Variants in CNTNAP2 observed in about 807,000 individuals in gnomAD.
CNTNAP2 encodes the protein contactin associated protein 2.
CNTNAP2 carries 98 observed loss-of-function variants against 155.2 expected under a neutral mutation model. That is an observed-to-expected ratio of 0.63 (90% CI 0.54 to 0.75). CNTNAP2 has a LOEUF of 0.75. Among genes scored for constraint, CNTNAP2 ranks in the 30% least tolerant of loss-of-function variants. The pLI, the probability that CNTNAP2 is intolerant of heterozygous loss-of-function variation, is 0.00. For missense variants in CNTNAP2, 1,727 were observed against 1,688.1 expected (o/e 1.02, Z -0.40); for synonymous variants, 651 against 631.2 (o/e 1.03, Z -0.47).
intron 3 of CNTNAP2, among the ~76,000 whole-genome samples, chr7:146,994,777 T>C (rs1798276156): frequency 6.6e-6 from 1 of 152,146 alleles, no homozygotes; most frequent in African/African-American, 2.4e-5. Flanking sequence ...AATTTATTAA[T>C]CTTAAATATA....
chr7:146,711,007 C>T (rs544487162), intron 1 of CNTNAP2, among the ~76,000 whole-genome samples: 28 of 151,860 alleles, frequency 1.8e-4, no homozygotes, highest in African/African-American at 6.0e-4. Context: ...CTTCACTTAA[C>T]CTGGAACCTC....
intron 16 of CNTNAP2, among the ~76,000 whole-genome samples, chr7:148,120,131 G>A (rs1247312717): frequency 6.7e-6 from 1 of 149,752 alleles, no homozygotes; most frequent in Non-Finnish European, 1.5e-5. Context: ...AAAAGTGCTT[G>A]GATTCCCCCA....
intron 21 of CNTNAP2, among the ~76,000 whole-genome samples, chr7:148,360,356 G>A (rs1204738194): frequency 1.3e-5 from 2 of 152,196 alleles, no homozygotes; most frequent in Non-Finnish European, 2.9e-5. Flanking sequence ...ATGAAGAAAA[G>A]AGAACAGGTG....
chr7:146,932,741 T>A (rs1796805304), intron 3 of CNTNAP2, among the ~76,000 whole-genome samples: 1 of 152,128 alleles, frequency 6.6e-6, no homozygotes, highest in Non-Finnish European at 1.5e-5. Flanking sequence ...CAGCAAAGTC[T>A]CAGGATACAA....
At chr7:146,490,605 G>A (rs1340257459) in intron 1 of CNTNAP2, among the ~76,000 whole-genome samples, 3 of 152,170 alleles carry the variant, frequency 2.0e-5, no homozygotes, top group Admixed American at 6.5e-5. Flanking sequence ...CCTGCTATAT[G>A]TAAGGTTCTG....
intron 8 of CNTNAP2, among the ~76,000 whole-genome samples, chr7:147,242,655 A>G (rs78871492): frequency 0.077 from 11,662 of 152,178 alleles, 484 homozygotes; most frequent in Middle Eastern, 0.1. Flanking sequence ...GATCAAATAT[A>G]AACTTTAAAT....
At chr7:147,734,071 A>T (rs1206969318) in intron 13 of CNTNAP2, among the ~76,000 whole-genome samples, 1 of 152,170 alleles carries the variant, frequency 6.6e-6, no homozygotes. Context: ...TAGTGGTGAG[A>T]GAGGGCATCC....
At chr7:146,817,470 C>CAA (rs35732528) in intron 2 of CNTNAP2, among the ~76,000 whole-genome samples, 17 of 135,784 alleles carry the variant, frequency 1.3e-4, no homozygotes, top group African/African-American at 3.9e-4. Flanking sequence ...GAAACTCCAT[C>CAA]AAAAAAAAAA....
intron 13 of CNTNAP2, among the ~76,000 whole-genome samples, chr7:147,714,484 G>A (rs1243668574): frequency 1.3e-5 from 2 of 151,962 alleles, no homozygotes; most frequent in Non-Finnish European, 2.9e-5. Flanking sequence ...ACAAGAGGGA[G>A]CAAGAATTGT....
chr7:146,291,208 A>C (rs1411445646), intron 1 of CNTNAP2, among the ~76,000 whole-genome samples: 1 of 152,206 alleles, frequency 6.6e-6, no homozygotes, highest in Non-Finnish European at 1.5e-5. Flanking sequence ...TTTCCTAATA[A>C]AAAATAGAAA....
intron 9 of CNTNAP2, among the ~76,000 whole-genome samples, chr7:147,382,572 G>A (rs1245955492): frequency 6.6e-6 from 1 of 152,120 alleles, no homozygotes; most frequent in East Asian, 1.9e-4. Flanking sequence ...TTAAAATGGA[G>A]GAGTCAAACT....
In CNTNAP2 at chr7:147,562,177, G is replaced by A; in HGVS notation, c.1817G>A (p.Gly606Glu). ...TCCTGTGAAGCCTACAAACACCTAG[G>A]ACAGACATCAAATTATTACTGGATA... is the stretch of plus-strand genomic sequence containing the variant. The part of the protein sequence containing the change: ...EPSCEAYKHL[G>E]QTSNYYWIDP... Residue 606 changes from glycine to glutamate, a missense_variant, in exon 12 of 24, where the codon GGA becomes GAA. Gly to Glu is a moderately conservative substitution (Grantham distance 98). Transcript: ENST00000361727. 1 of 1,613,982 alleles carries A rather than the reference G, an allele frequency of 6.2e-7. No individual in the cohort carries two copies. The highest frequency in any genetic ancestry group is 8.5e-7 in the Non-Finnish European group (1 of 1,179,902).
At chr7:148,282,760 A>C (rs1796995947) in intron 21 of CNTNAP2, among the ~76,000 whole-genome samples, 1 of 152,172 alleles carries the variant, frequency 6.6e-6, no homozygotes, top group Non-Finnish European at 1.5e-5. Flanking sequence ...CACCAAAAAA[A>C]ATCATTTATT....
At chr7:148,262,346 G>A (rs1272312408) in intron 20 of CNTNAP2, among the ~76,000 whole-genome samples, 1 of 152,188 alleles carries the variant, frequency 6.6e-6, no homozygotes. Flanking sequence ...TTAATTTCTT[G>A]TATTAGTTTC....
intron 2 of CNTNAP2, among the ~76,000 whole-genome samples, chr7:146,777,227 T>G (rs1802405639): frequency 6.6e-6 from 1 of 152,184 alleles, no homozygotes; most frequent in South Asian, 2.1e-4. Context: ...TGTAGCCCAT[T>G]TTATCATTTG....
At chr7:148,413,392 C>CAAAAAAA (rs1184055556) in intron 23 of CNTNAP2, among the ~76,000 whole-genome samples, 20 of 1,648 alleles carry the variant, frequency 0.012, 1 homozygote, top group African/African-American at 0.022. Flanking sequence ...AACTCCGTCT[C>CAAAAAAA]AAAAAAAAAA....
chr7:146,858,833 T>C (rs1795042391), intron 3 of CNTNAP2, among the ~76,000 whole-genome samples: 1 of 152,368 alleles, frequency 6.6e-6, no homozygotes, highest in South Asian at 2.1e-4. Context: ...TTTAATATTC[T>C]TCTCCTTTAG....
intron 8 of CNTNAP2, among the ~76,000 whole-genome samples, chr7:147,158,536 C>A (rs910556474): frequency 6.6e-6 from 1 of 151,992 alleles, no homozygotes. Flanking sequence ...AGCTGACCTG[C>A]GATTCAGCAC....
At chr7:148,177,010 C>T (rs1439203043) in intron 18 of CNTNAP2, among the ~76,000 whole-genome samples, 3 of 152,208 alleles carry the variant, frequency 2.0e-5, no homozygotes, top group Non-Finnish European at 4.4e-5. Context: ...ACTTTTATTA[C>T]TAACCAGAAA....
Sources: allele counts gnomAD v4.1 joint callset (sites outside exome capture counted in the v4.1 genomes callset), GRCh38; gene constraint gnomAD v4.1.1; transcripts MANE v1.5; gene names NCBI Gene and HGNC (gene_info 2026-07-23, HGNC 2026-07-21).